CDH10: variants seen among roughly 807,000 people sequenced by gnomAD.
CDH10 encodes cadherin-10.
CDH10 carries 30 observed loss-of-function variants against 73.1 expected under a neutral mutation model. That is an observed-to-expected ratio of 0.41 (90% CI 0.31 to 0.56). The LOEUF is 0.56. CDH10 is among the 20% of genes least tolerant of loss of function. The pLI is 0.27. For missense variants in CDH10, 815 were observed against 973.7 expected (o/e 0.84, Z 2.17); for synonymous variants, 345 against 348.2 (o/e 0.99, Z 0.10).
intron 2 of CDH10, among the ~76,000 whole-genome samples, chr5:24,582,119 A>G (rs1183498852): frequency 6.6e-6 from 1 of 152,158 alleles, no homozygotes; most frequent in Non-Finnish European, 1.5e-5. Flanking sequence ...ACTAATGTAC[A>G]TGAGTATCAG....
At chr5:24,515,436 T>A (rs1198402127) in intron 5 of CDH10, among the ~76,000 whole-genome samples, 1 of 151,904 alleles carries the variant, frequency 6.6e-6, no homozygotes, top group Non-Finnish European at 1.5e-5. Flanking sequence ...AGAAGAAGAG[T>A]CCAGTGGACG....
intron 1 of CDH10, among the ~76,000 whole-genome samples, chr5:24,596,795 C>G (rs58298057): frequency 0.048 from 7,319 of 151,804 alleles, 535 homozygotes; most frequent in African/African-American, 0.17. Flanking sequence ...GTGGTATATA[C>G]AGATGTATCA....
intron 1 of CDH10, among the ~76,000 whole-genome samples, chr5:24,630,265 A>G (rs1214366558): frequency 2.0e-5 from 3 of 152,024 alleles, no homozygotes; most frequent in African/African-American, 4.8e-5. Context: ...TATTTTAAGG[A>G]GGCCACACAC....
chr5:24,560,736 T>A (rs2111986448), intron 2 of CDH10, among the ~76,000 whole-genome samples: 1 of 152,242 alleles, frequency 6.6e-6, no homozygotes, highest in Non-Finnish European at 1.5e-5. Flanking sequence ...CTATAAATGG[T>A]TGTCAGTGTA....
chr5:24,632,759 C>A (rs1298277741), intron 1 of CDH10, among the ~76,000 whole-genome samples: 2 of 151,864 alleles, frequency 1.3e-5, no homozygotes, highest in African/African-American at 4.8e-5. Flanking sequence ...TAGGGCTATT[C>A]TGTTAATTAA....
At chr5:24,616,705 T>C (rs972183553) in intron 1 of CDH10, among the ~76,000 whole-genome samples, 5 of 152,174 alleles carry the variant, frequency 3.3e-5, no homozygotes, top group Non-Finnish European at 1.5e-5. Context: ...GATGCTTTCA[T>C]TGATTCCAGA....
chr5:24,509,925 G>T, intron 6 of CDH10, 106 bp from the exon 7 acceptor site: 1 of 713,124 alleles, frequency 1.4e-6, no homozygotes, highest in South Asian at 2.3e-5. Context: ...CTCTTACATA[G>T]TTCATTAATT....
chr5:24,614,322 A>G (rs987813720), intron 1 of CDH10, among the ~76,000 whole-genome samples: 9 of 152,194 alleles, frequency 5.9e-5, no homozygotes, highest in African/African-American at 2.2e-4. Flanking sequence ...ACAGCACACA[A>G]TATATTCCTT....
At chr5:24,529,496 A>G (rs929288658) in intron 5 of CDH10, among the ~76,000 whole-genome samples, 1 of 152,010 alleles carries the variant, frequency 6.6e-6, no homozygotes, top group Non-Finnish European at 1.5e-5. Flanking sequence ...TTCACAACTA[A>G]CATTAACCAA....
rs34515702 is a variant in CDH10, at chr5:24,613,522, GAAAAAA to G, written c.-123-19915_-123-19910del. Among the ~76,000 whole-genome samples the G allele has an allele frequency of 8.1e-4, 100 of 122,836 alleles. No homozygotes were observed. In the East Asian group the frequency reaches 0.013, roughly 16 times the overall value. The allele number at this position is 122,836 out of a possible 152,430, so 80.6% of individuals were successfully genotyped here. On this transcript the variant is annotated intron_variant, in intron 1 of 11. Transcript: ENST00000264463. ...GGCTTGCAAGCATCCTCTTTGCTGG[GAAAAAA>G]AAAAAAAAAAAAAGGAAATGACAGC... is the stretch of plus-strand genomic sequence containing the variant.
intron 2 of CDH10, among the ~76,000 whole-genome samples, chr5:24,571,395 C>A (rs1441045196): frequency 1.3e-5 from 2 of 152,012 alleles, no homozygotes; most frequent in East Asian, 3.9e-4. Flanking sequence ...CAGGGGTCAA[C>A]AGTAAGAAAA....
At chr5:24,503,931 G>T (rs1016672518) in intron 8 of CDH10, among the ~76,000 whole-genome samples, 1 of 151,986 alleles carries the variant, frequency 6.6e-6, no homozygotes, top group Admixed American at 6.6e-5. Flanking sequence ...AAGATTAAAT[G>T]GTATCATATG....
chr5:24,558,563 A>G (rs1744847619), intron 2 of CDH10, among the ~76,000 whole-genome samples: 1 of 151,704 alleles, frequency 6.6e-6, no homozygotes, highest in Non-Finnish European at 1.5e-5. Flanking sequence ...TATATAGAAT[A>G]CTGCATTCAA....
At chr5:24,616,551 AT>A (rs368586629) in intron 1 of CDH10, among the ~76,000 whole-genome samples, 80 of 150,624 alleles carry the variant, frequency 5.3e-4, no homozygotes, top group South Asian at 1.3e-3. Flanking sequence ...GTAGATTGCA[AT>A]TTTTTTTTTC....
intron 2 of CDH10, among the ~76,000 whole-genome samples, chr5:24,546,361 G>C (rs907690500): frequency 6.6e-6 from 1 of 152,054 alleles, no homozygotes; most frequent in Admixed American, 6.6e-5. Flanking sequence ...CAAGATCAAC[G>C]CTCTCACAAG....
At chr5:24,506,301 A>T (rs955827393) in intron 7 of CDH10, among the ~76,000 whole-genome samples, 7 of 152,194 alleles carry the variant, frequency 4.6e-5, no homozygotes, top group African/African-American at 7.2e-5. Context: ...AACTAGATTA[A>T]CATTCTGGTT....
At chr5:24,625,545 C>CTG (rs1165205070) in intron 1 of CDH10, among the ~76,000 whole-genome samples, 96 of 98,850 alleles carry the variant, frequency 9.7e-4, no homozygotes, top group African/African-American at 3.3e-3. Flanking sequence ...ATTTATCTAT[C>CTG]TGTATATATA....
At chr5:24,488,411 T>TA in intron 11 of CDH10, among the ~76,000 whole-genome samples, 1 of 152,280 alleles carries the variant, frequency 6.6e-6, no homozygotes, top group South Asian at 2.1e-4. Flanking sequence ...TATAGTGACT[T>TA]ACACTTTATT....
chr5:24,635,408 C>T (rs146606781), intron 1 of CDH10, among the ~76,000 whole-genome samples: 2 of 152,072 alleles, frequency 1.3e-5, no homozygotes, highest in Admixed American at 6.6e-5. Context: ...GACCTCACAA[C>T]AGTTAGTCTC....
Sources: gnomAD v4.1 joint callset for allele counts (sites outside exome capture counted in the v4.1 genomes callset) on GRCh38, gnomAD v4.1.1 for gene constraint, MANE v1.5 for transcripts, NCBI Gene and HGNC (gene_info 2026-07-23, HGNC 2026-07-21) for gene names.